The following DCX variants were observed in gnomAD, a reference collection of about 807,000 sequenced individuals.
DCX encodes the protein neuronal migration protein doublecortin.
Under a neutral mutation model 20.9 loss-of-function variants are expected in DCX, and 4 were observed. The ratio of observed to expected loss-of-function variants is 0.19; its 90% CI spans 0.09 to 0.44. DCX has a LOEUF of 0.44. Ranked by LOEUF, DCX falls within the 20% of genes least tolerant of loss-of-function variation. The probability of loss-of-function intolerance (pLI) is 0.99; values close to 1 mark genes in which losing one functional copy is unlikely to be tolerated. For synonymous variants in DCX, 103 were observed against 111.4 expected (o/e 0.92, Z 0.47); for missense variants, 133 against 296.9 (o/e 0.45, Z 4.06).
In DCX at chrX:111,295,155, T is replaced by C. The variant is rs1326787000; in HGVS notation, c.*6532A>G. 1 of 112,285 alleles carries C rather than the reference T, an allele frequency of 8.9e-6. No homozygotes were observed. The highest frequency in any genetic ancestry group is 1.9e-5 in the Non-Finnish European group (1 of 53,234). The allele number at this position is 112,285 out of a possible 1,213,427, so 9.3% of individuals were successfully genotyped here. A position where few individuals can be genotyped will look rare whatever the true frequency, so the allele number is the denominator to read the frequency against. On this transcript the variant is annotated 3_prime_UTR_variant, in exon 7 of 7. Transcript: ENST00000636035. ...AACCTCTTACTTGTTCAAATCCCTT[T>C]TGGATAACTTATAAAGAAAAGTCAT...
chrX:111,319,979 T>C (rs1487098910), intron 5 of DCX, among the ~76,000 whole-genome samples: 1 of 112,460 alleles, frequency 8.9e-6, no homozygotes, highest in Non-Finnish European at 1.9e-5. Flanking sequence ...AGAATTAATC[T>C]TAAGCTGTCT....
intron 3 of DCX, among the ~76,000 whole-genome samples, chrX:111,382,076 T>C (rs1437439888): frequency 1.8e-5 from 2 of 111,738 alleles, no homozygotes; most frequent in Non-Finnish European, 3.8e-5. Context: ...CCATTTTGAA[T>C]TCAGTAGATC....
rs200014473 is a variant in DCX, at chrX:111,373,051, C to CAATGAAATGA, written c.705+27929_705+27938dup. ...TTCTAACAGAGGAAAGCTGATAACA[C>CAATGAAATGA]AATGAAATGAAATGAAATGAAATGA... On this transcript the variant is annotated intron_variant, in intron 3 of 6. Coordinates refer to ENST00000636035, the MANE Select transcript of DCX (RefSeq NM_001195553.2). 8.1e-3 allele frequency among the ~76,000 whole-genome samples: 869 copies of CAATGAAATGA among 107,778 alleles called. 10 individuals are homozygous for CAATGAAATGA. The highest frequency in any genetic ancestry group is 0.025 in the African/African-American group (728 of 28,702). The allele number at this position is 107,778 out of a possible 115,157, so 93.6% of individuals were successfully genotyped here.
intron 6 of DCX, among the ~76,000 whole-genome samples, chrX:111,307,710 C>A (rs761071640): frequency 5.5e-4 from 62 of 111,825 alleles, no homozygotes; most frequent in Non-Finnish European, 1.0e-3. Flanking sequence ...AATGAACTCC[C>A]TGGGTATTTT....
chrX:111,362,956 G>A (rs1458891095), intron 3 of DCX, among the ~76,000 whole-genome samples: 1 of 112,085 alleles, frequency 8.9e-6, no homozygotes, highest in Non-Finnish European at 1.9e-5. Flanking sequence ...TTTGGCTCCT[G>A]TTCTCATGTT....
Position 111,312,730 on chromosome X carries a change from C to A in DCX, c.953G>T (p.Gly318Val). The change falls in exon 6 of 7, where the codon GGA becomes GTA. Residue 318 changes from glycine (G) to valine (V), a missense_variant. Gly to Val is a moderately radical substitution (Grantham distance 109). This residue lies in a region of DCX where 68 missense variants were observed against 84.3 expected (regional missense o/e 0.81). Transcript: ENST00000636035. ...GGTAGAGAGCTGGCTGCTGGAGGTT[C>A]CGTTTGCTAGCCCAAAGCAAGAGAA... is the stretch of plus-strand genomic sequence containing the variant. ...ADSGNDQDAN[G>V]TSSSQLSTPK... 1 of 1,211,217 alleles carries A rather than the reference C, an allele frequency of 8.3e-7. No homozygotes were observed. Among genetic ancestry groups the A allele is most frequent in the Non-Finnish European group, 1.1e-6 (1 of 895,280 alleles).
rs1463806742 is a variant in DCX at position 111,410,059 on chromosome X, C to T, written c.340G>A (p.Gly114Arg). 3.3e-6 allele frequency: 4 copies of T among 1,211,820 alleles called. No individual in the cohort carries two copies. The highest frequency in any genetic ancestry group is 1.7e-5 in the African/African-American group (1 of 57,813). Reference sequence around the variant, plus strand: ...CCTTCCTCCAGTTCATCCATGCTTCCGATCTTCCTGGATCCATCAATGGTG... The same window carrying T: ...CCTTCCTCCAGTTCATCCATGCTTCTGATCTTCCTGGATCCATCAATGGTG... ...IYTIDGSRKI[G>R]SMDELEEGES... Residue 114 changes from glycine (G) to arginine (R), a missense_variant, in exon 2 of 7, where the codon GGA (glycine) becomes AGA (arginine). Around this residue, in one of 2 missense-constraint regions of DCX, gnomAD observed 65 missense variants for 212.6 expected, o/e 0.31. Coordinates refer to ENST00000636035, the MANE Select transcript of DCX (RefSeq NM_001195553.2).
At chrX:111,342,882 C>A (rs958023576) in intron 3 of DCX, among the ~76,000 whole-genome samples, 3 of 111,235 alleles carry the variant, frequency 2.7e-5, no homozygotes, top group Non-Finnish European at 5.7e-5. Context: ...AACAAAGAGA[C>A]TACGTACCAG....
chrX:111,323,246 A>G (rs1225530877), intron 5 of DCX, among the ~76,000 whole-genome samples: 1 of 111,972 alleles, frequency 8.9e-6, no homozygotes, highest in African/African-American at 3.2e-5. Flanking sequence ...GCCATTTCCT[A>G]GATTTGTGAT....
At chrX:111,334,803 C>T (rs73637005) in intron 3 of DCX, among the ~76,000 whole-genome samples, 5 of 111,986 alleles carry the variant, frequency 4.5e-5, no homozygotes, top group African/African-American at 1.6e-4. Flanking sequence ...TGAGATACAT[C>T]GAAATAGAGC....
intron 3 of DCX, among the ~76,000 whole-genome samples, chrX:111,396,329 T>C (rs922354844): frequency 8.9e-6 from 1 of 111,935 alleles, no homozygotes; most frequent in South Asian, 3.7e-4. Flanking sequence ...CAATTGAAAA[T>C]TGGCCTAACA....
intron 6 of DCX, among the ~76,000 whole-genome samples, chrX:111,303,282 C>T (rs1014228797): frequency 9.1e-6 from 1 of 109,463 alleles, no homozygotes; most frequent in Non-Finnish European, 1.9e-5. Context: ...CAGTAAGATA[C>T]CAAAGAGAAC....
At chrX:111,310,259 G>A (rs1433620297) in intron 6 of DCX, among the ~76,000 whole-genome samples, 1 of 111,374 alleles carries the variant, frequency 9.0e-6, no homozygotes, top group East Asian at 2.8e-4. Context: ...TTGAACCCGG[G>A]AGTGCGGAGC....
chrX:111,347,125 A>G (rs906075898), intron 3 of DCX, among the ~76,000 whole-genome samples: 2 of 111,864 alleles, frequency 1.8e-5, no homozygotes, highest in African/African-American at 3.2e-5. Context: ...TATTAGTAGT[A>G]GTAACAAGCA....
chrX:111,384,363 A>G (rs957575059), intron 3 of DCX, among the ~76,000 whole-genome samples: 4 of 111,214 alleles, frequency 3.6e-5, no homozygotes, highest in Non-Finnish European at 7.5e-5. Flanking sequence ...CAATATATAT[A>G]TTGAGCATAT....
chrX:111,393,282 C>T (rs5943146), intron 3 of DCX, among the ~76,000 whole-genome samples: 1,473 of 111,196 alleles, frequency 0.013, 20 homozygotes, highest in Non-Finnish European at 0.021. Flanking sequence ...CTATGTGCCC[C>T]TCCCCCAAAA....
rs1375586595 is a variant in DCX, at chrX:111,299,018, G to A, written c.*2669C>T. On this transcript the variant is annotated 3_prime_UTR_variant, in exon 7 of 7. Coordinates refer to ENST00000636035, the MANE Select transcript of DCX (RefSeq NM_001195553.2). ...GTATAGGGAGTGGTGGCAAATGCTTGCTGACTTGATGTTTGTTGACCGTGC... is the reference window on the plus strand; with the variant it reads ...GTATAGGGAGTGGTGGCAAATGCTTACTGACTTGATGTTTGTTGACCGTGC... 1 of 110,062 alleles carries A rather than the reference G, an allele frequency of 9.1e-6. No individual in the cohort carries two copies. The highest frequency in any genetic ancestry group is 1.9e-5 in the Non-Finnish European group (1 of 52,747). The allele number at this position is 110,062 out of a possible 1,213,427, so 9.1% of individuals were successfully genotyped here.
chrX:111,320,882 C>T (rs1227853218), intron 5 of DCX, among the ~76,000 whole-genome samples: 2 of 109,821 alleles, frequency 1.8e-5, no homozygotes, highest in East Asian at 5.7e-4. Flanking sequence ...CATGTTCCAG[C>T]TAGGGGTAGC....
intron 3 of DCX, among the ~76,000 whole-genome samples, chrX:111,373,149 A>G (rs1925242220): frequency 8.9e-6 from 1 of 112,306 alleles, no homozygotes; most frequent in Non-Finnish European, 1.9e-5. Flanking sequence ...CATAGAGTTA[A>G]TGTCCCCAGT....
Sources: gnomAD v4.1 joint callset for allele counts (sites outside exome capture counted in the v4.1 genomes callset) on GRCh38, gnomAD v4.1.1 for gene constraint, gnomAD v4.1.1 regional missense constraint, MANE v1.5 for transcripts, NCBI Gene and HGNC (gene_info 2026-07-23, HGNC 2026-07-21) for gene names.